The following FSHR variants were observed in gnomAD, a reference collection of about 807,000 sequenced individuals.
The protein encoded by FSHR is follicle-stimulating hormone receptor.
FSHR carries 46 observed loss-of-function variants against 52.1 expected under a neutral mutation model. That is an observed-to-expected ratio of 0.88 (90% CI 0.70 to 1.13). The LOEUF (loss-of-function observed/expected upper bound fraction) is 1.13. FSHR is among the 50% of genes most tolerant of loss of function. The pLI is 0.00. For synonymous variants in FSHR, 399 were observed against 309.6 expected (o/e 1.29, Z -3.03); for missense variants, 964 against 834.6 (o/e 1.16, Z -1.91).
At chr2:49,097,589 T>G (rs986480217) in intron 1 of FSHR, among the ~76,000 whole-genome samples, 2 of 152,122 alleles carry the variant, frequency 1.3e-5, no homozygotes, top group Non-Finnish European at 2.9e-5. Flanking sequence ...GGGAGGGCTG[T>G]GCATTGCCTG....
intron 1 of FSHR, among the ~76,000 whole-genome samples, chr2:49,125,203 T>A (rs1460649380): frequency 6.6e-6 from 1 of 152,210 alleles, no homozygotes; most frequent in Non-Finnish European, 1.5e-5. Flanking sequence ...GTAGCATACA[T>A]CATCATCTAG....
At chr2:49,097,874 T>G (rs1270483534) in intron 1 of FSHR, among the ~76,000 whole-genome samples, 1 of 152,178 alleles carries the variant, frequency 6.6e-6, no homozygotes, top group Non-Finnish European at 1.5e-5. Context: ...AATTTAGTTT[T>G]AAGAAAAATT....
chr2:49,009,882 C>G (rs1382403547), intron 4 of FSHR, among the ~76,000 whole-genome samples: 1 of 137,258 alleles, frequency 7.3e-6, no homozygotes, highest in Non-Finnish European at 1.6e-5. Context: ...GATTTTGTAT[C>G]CTGAGACTTT....
At chr2:48,980,634 C>G (rs978961754) in intron 8 of FSHR, among the ~76,000 whole-genome samples, 2 of 152,174 alleles carry the variant, frequency 1.3e-5, no homozygotes, top group Non-Finnish European at 2.9e-5. Flanking sequence ...TATTTTAGCT[C>G]ACAACCAGTT....
intron 1 of FSHR, among the ~76,000 whole-genome samples, chr2:49,110,052 C>T (rs974178848): frequency 1.3e-5 from 2 of 152,066 alleles, no homozygotes; most frequent in Non-Finnish European, 2.9e-5. Context: ...GCAGGGTTTG[C>T]ATGTTGATAT....
At chr2:49,084,058 C>T (rs1218181311) in intron 1 of FSHR, among the ~76,000 whole-genome samples, 1 of 151,808 alleles carries the variant, frequency 6.6e-6, no homozygotes, top group Admixed American at 6.6e-5. Context: ...TTCAGCACCA[C>T]ACCACACCTA....
At chr2:48,984,940 G>C (rs904916872) in intron 6 of FSHR, among the ~76,000 whole-genome samples, 1 of 152,092 alleles carries the variant, frequency 6.6e-6, no homozygotes, top group Non-Finnish European at 1.5e-5. Context: ...GGTATTTCTT[G>C]ATATCAGCAG....
chr2:49,010,606 C>T lies in FSHR; in HGVS notation c.374+6883G>A, dbSNP rs1223849521. On this transcript the variant is annotated intron_variant, in intron 4 of 9. Coordinates refer to ENST00000406846, the MANE Select transcript of FSHR (RefSeq NM_000145.4). Reference sequence around the variant, plus strand: ...TGGAATAGTTTCAGAAGGAATGGTACCAGTTCCTCCTTGTACCTCTGGTAG... The same window carrying T: ...TGGAATAGTTTCAGAAGGAATGGTATCAGTTCCTCCTTGTACCTCTGGTAG... 1.6e-4 allele frequency among the ~76,000 whole-genome samples: 24 copies of T among 150,902 alleles called. No homozygotes were observed. The South Asian group carries it at 4.2e-3, about 26-fold the overall frequency.
intron 1 of FSHR, among the ~76,000 whole-genome samples, chr2:49,152,020 A>T (rs2103864044): frequency 6.6e-6 from 1 of 152,230 alleles, no homozygotes; most frequent in African/African-American, 2.4e-5. Flanking sequence ...GCAAAGCCAA[A>T]CTCTAAGATG....
chr2:49,107,725 C>T (rs549953501), intron 1 of FSHR, among the ~76,000 whole-genome samples: 1 of 152,226 alleles, frequency 6.6e-6, no homozygotes, highest in South Asian at 2.1e-4. Flanking sequence ...AAAGTAAGAA[C>T]TACTATTCCC....
At chr2:49,131,558 T>C (rs911471709) in intron 1 of FSHR, among the ~76,000 whole-genome samples, 1 of 152,216 alleles carries the variant, frequency 6.6e-6, no homozygotes, top group Non-Finnish European at 1.5e-5. Context: ...TAAGTTTCTC[T>C]GTACCACATT....
intron 4 of FSHR, among the ~76,000 whole-genome samples, chr2:48,999,643 G>C (rs1390320425): frequency 6.6e-6 from 1 of 151,996 alleles, no homozygotes; most frequent in Non-Finnish European, 1.5e-5. Flanking sequence ...TCTAGAAACG[G>C]TATTTCCAGA....
intron 1 of FSHR, among the ~76,000 whole-genome samples, chr2:49,139,529 T>A (rs992389299): frequency 2.0e-5 from 3 of 152,224 alleles, no homozygotes; most frequent in African/African-American, 7.2e-5. Flanking sequence ...AAATTAGGGT[T>A]GTGAGGCATA....
At chr2:49,027,243 A>G (rs1474196481) in intron 2 of FSHR, among the ~76,000 whole-genome samples, 2 of 152,096 alleles carry the variant, frequency 1.3e-5, no homozygotes, top group South Asian at 2.1e-4. Context: ...CAGCTTTGCA[A>G]TTTCCACCAC....
Position 49,135,911 on chromosome 2 carries a change from T to C in FSHR, c.152+18355A>G, listed in dbSNP as rs187014094. On this transcript the variant is annotated intron_variant, in intron 1 of 9. Coordinates refer to ENST00000406846, the MANE Select transcript of FSHR (RefSeq NM_000145.4). ...GGTCTTTATCCTTGTCATCTTCACA[T>C]TGAGTAGGCTGAGGGGAGGAGGAAG... 1.5e-3 allele frequency among the ~76,000 whole-genome samples: 234 copies of C among 152,226 alleles called. 1 individual carries two copies. The highest frequency in any genetic ancestry group is 5.3e-3 in the African/African-American group (220 of 41,542).
At chr2:48,973,362 A>AC (rs1222462946) in intron 8 of FSHR, among the ~76,000 whole-genome samples, 3 of 144,600 alleles carry the variant, frequency 2.1e-5, no homozygotes, top group Non-Finnish European at 2.9e-5. Flanking sequence ...TTGGAAGTGG[A>AC]CCCCCCGCCC....
In FSHR at chr2:48,983,629, C is replaced by T. The variant is rs139023616; in HGVS notation, c.525-463G>A. 4.3e-3 allele frequency among the ~76,000 whole-genome samples: 652 copies of T among 152,332 alleles called. 5 individuals carry two copies. The highest frequency in any genetic ancestry group is 0.02 in the Middle Eastern group (6 of 294). On this transcript the variant is annotated intron_variant, in intron 6 of 9. Transcript: ENST00000406846. ...TAAGCCTTTCACCCATGATCACCCA[C>T]AGCAGCAGGCCTGGCTGTCATCAAA...
intron 2 of FSHR, among the ~76,000 whole-genome samples, chr2:49,023,576 C>G (rs980517475): frequency 6.6e-6 from 1 of 152,088 alleles, no homozygotes; most frequent in Admixed American, 6.5e-5. Context: ...AAGTGACACA[C>G]AAAAATATTT....
chr2:49,006,868 C>G (rs1189107360), intron 4 of FSHR, among the ~76,000 whole-genome samples: 1 of 152,142 alleles, frequency 6.6e-6, no homozygotes, highest in Non-Finnish European at 1.5e-5. Flanking sequence ...CGACTCTCTA[C>G]TTTTACTACT....
Sources: gnomAD v4.1 joint callset for allele counts (sites outside exome capture counted in the v4.1 genomes callset) on GRCh38, gnomAD v4.1.1 for gene constraint, MANE v1.5 for transcripts, NCBI Gene and HGNC (gene_info 2026-07-23, HGNC 2026-07-21) for gene names.